ATP8A2: variants seen among roughly 807,000 people sequenced by gnomAD.
ATP8A2 encodes ATPase phospholipid transporting 8A2.
ATP8A2 carries 100 observed loss-of-function variants against 165.6 expected under a neutral mutation model. The observed-to-expected ratio is 0.60, with a 90% CI of 0.51 to 0.71. The LOEUF (loss-of-function observed/expected upper bound fraction) is 0.71. Ranked by LOEUF, ATP8A2 falls within the 30% of genes least tolerant of loss-of-function variation. ATP8A2 has a pLI of 0.00. For synonymous variants in ATP8A2, 543 were observed against 548.8 expected (o/e 0.99, Z 0.15); for missense variants, 1,227 against 1,479.5 (o/e 0.83, Z 2.80).
At chr13:25,572,220 T>C (rs894568995) in intron 18 of ATP8A2, among the ~76,000 whole-genome samples, 1 of 152,182 alleles carries the variant, frequency 6.6e-6, no homozygotes, top group Admixed American at 6.5e-5. Context: ...CTGCAACCTC[T>C]GCTTCCCAGG....
chr13:25,954,867 G>A (rs2139163189), intron 33 of ATP8A2, among the ~76,000 whole-genome samples: 1 of 152,268 alleles, frequency 6.6e-6, no homozygotes, highest in East Asian at 1.9e-4. Flanking sequence ...AAGACCAAAG[G>A]TAGATAAATC....
chr13:25,742,493 G>A (rs1399674111), intron 25 of ATP8A2, among the ~76,000 whole-genome samples: 1 of 152,058 alleles, frequency 6.6e-6, no homozygotes, highest in Non-Finnish European at 1.5e-5. Context: ...AACTGAGGCT[G>A]TGTGCTTCTC....
rs146180608 is a variant in ATP8A2, at chr13:25,634,070, G to A, written c.2211+44371G>A. On this transcript the variant is annotated intron_variant, in intron 24 of 36. Transcript: ENST00000381655. ...CCAATTGACTATTAAGAGTGATAGA[G>A]ACAAACAAACTTTAATGCTGTATCT... Among the ~76,000 whole-genome samples, 774 of 152,042 alleles carry A rather than the reference G, an allele frequency of 5.1e-3. 4 individuals carry two copies. The highest frequency in any genetic ancestry group is 0.017 in the African/African-American group (710 of 41,472).
At chr13:25,926,145 T>C (rs922737704) in intron 33 of ATP8A2, among the ~76,000 whole-genome samples, 1 of 152,190 alleles carries the variant, frequency 6.6e-6, no homozygotes, top group African/African-American at 2.4e-5. Context: ...AAATAGTCCA[T>C]GATTCCTAAC....
At chr13:25,485,285 C>A (rs559186137) in intron 2 of ATP8A2, among the ~76,000 whole-genome samples, 1 of 151,946 alleles carries the variant, frequency 6.6e-6, no homozygotes, top group Non-Finnish European at 1.5e-5. Flanking sequence ...CAGGATAGTG[C>A]GTGTGTGTGT....
chr13:25,450,280 A>C (rs1309795863), intron 1 of ATP8A2, among the ~76,000 whole-genome samples: 1 of 152,218 alleles, frequency 6.6e-6, no homozygotes, highest in Non-Finnish European at 1.5e-5. Flanking sequence ...TGCTGCAATG[A>C]ACATGCGTGC....
chr13:25,455,073 T>C (rs1407500259), intron 1 of ATP8A2, among the ~76,000 whole-genome samples: 1 of 152,246 alleles, frequency 6.6e-6, no homozygotes, highest in Middle Eastern at 3.2e-3. Flanking sequence ...GTAGTTTGCA[T>C]GGAGTTCCGT....
At chr13:25,882,201 C>T (rs905111729) in intron 33 of ATP8A2, among the ~76,000 whole-genome samples, 1 of 151,936 alleles carries the variant, frequency 6.6e-6, no homozygotes, top group African/African-American at 2.4e-5. Context: ...GAGATAATGA[C>T]GGAAAAGATG....
chr13:25,681,885 G>A (rs1002997903), intron 24 of ATP8A2, among the ~76,000 whole-genome samples: 1 of 152,134 alleles, frequency 6.6e-6, no homozygotes, highest in East Asian at 1.9e-4. Context: ...GAGAACAAAC[G>A]AAGACTTGGG....
intron 1 of ATP8A2, among the ~76,000 whole-genome samples, chr13:25,377,517 T>TG (rs113004670): frequency 0.02 from 3,023 of 152,218 alleles, 96 homozygotes; most frequent in African/African-American, 0.068. Flanking sequence ...AGTACCTGGA[T>TG]GGCTGGGCAC....
intron 24 of ATP8A2, among the ~76,000 whole-genome samples, chr13:25,641,924 C>T (rs2041535291): frequency 6.6e-6 from 1 of 152,092 alleles, no homozygotes; most frequent in East Asian, 1.9e-4. Context: ...TGGAACAGAA[C>T]AGAGCCCTGA....
intron 29 of ATP8A2, among the ~76,000 whole-genome samples, chr13:25,838,126 C>T (rs990915743): frequency 4.6e-5 from 7 of 152,198 alleles, no homozygotes; most frequent in Admixed American, 1.3e-4. Flanking sequence ...CACAGTTCAC[C>T]TCCTGTGCTG....
intron 16 of ATP8A2, among the ~76,000 whole-genome samples, chr13:25,569,727 G>A (rs765354914): frequency 6.6e-6 from 1 of 152,170 alleles, no homozygotes; most frequent in Non-Finnish European, 1.5e-5. Flanking sequence ...CAGAGAACTA[G>A]TAGGAGCTCA....
intron 33 of ATP8A2, among the ~76,000 whole-genome samples, chr13:25,947,445 G>T (rs1955241683): frequency 2.0e-5 from 3 of 152,140 alleles, no homozygotes. Flanking sequence ...CCCGCTGTGG[G>T]GTGGGAGAAG....
intron 36 of ATP8A2, among the ~76,000 whole-genome samples, chr13:26,015,073 A>C (rs1437257728): frequency 6.6e-6 from 1 of 152,242 alleles, no homozygotes; most frequent in Non-Finnish European, 1.5e-5. Flanking sequence ...TTTATGGGAG[A>C]GTCATAAATG....
chr13:25,842,946 G>A (rs940936447), intron 30 of ATP8A2, among the ~76,000 whole-genome samples: 2 of 152,178 alleles, frequency 1.3e-5, no homozygotes, highest in Non-Finnish European at 2.9e-5. Context: ...AGATTCCAGG[G>A]GACAGCTTAG....
rs774379985 is a variant in ATP8A2 at position 25,462,933 on chromosome 13, G to A, written c.77-6044G>A. On this transcript the variant is annotated intron_variant, in intron 1 of 36. Coordinates refer to ENST00000381655, the MANE Select transcript of ATP8A2 (RefSeq NM_016529.6). Reference sequence around the variant, plus strand: ...ATTATTGCACAACAGTGTCCAAGCCGGGTCTGACTCCACCTTGACTTTTCA... The same window carrying A: ...ATTATTGCACAACAGTGTCCAAGCCAGGTCTGACTCCACCTTGACTTTTCA... 3.6e-4 allele frequency among the ~76,000 whole-genome samples: 55 copies of A among 152,202 alleles called. No individual in the cohort carries two copies. In the Middle Eastern group the frequency reaches 0.01, roughly 28 times the overall value.
intron 10 of ATP8A2, among the ~76,000 whole-genome samples, chr13:25,549,152 G>A (rs1413818251): frequency 3.3e-5 from 5 of 152,062 alleles, no homozygotes; most frequent in Non-Finnish European, 2.9e-5. Context: ...TGGCAAATTG[G>A]TGTTGTCTCT....
At chr13:25,911,767 G>C (rs1429596558) in intron 33 of ATP8A2, among the ~76,000 whole-genome samples, 1 of 152,140 alleles carries the variant, frequency 6.6e-6, no homozygotes, top group Non-Finnish European at 1.5e-5. Flanking sequence ...CAGATGTTAG[G>C]CTAAATGAGC....
Sources: allele counts gnomAD v4.1 joint callset (sites outside exome capture counted in the v4.1 genomes callset), GRCh38; gene constraint gnomAD v4.1.1; transcripts MANE v1.5; gene names NCBI Gene and HGNC (gene_info 2026-07-23, HGNC 2026-07-21).